Variants in PPTC7 observed in about 807,000 individuals in gnomAD.
PPTC7 encodes protein phosphatase PTC7 homolog.
PPTC7 carries 6 observed loss-of-function variants against 30.8 expected under a neutral mutation model. That is an observed-to-expected ratio of 0.19 (90% CI 0.11 to 0.38). The LOEUF (loss-of-function observed/expected upper bound fraction) is 0.38. Among genes scored for constraint, PPTC7 ranks in the 10% least tolerant of loss-of-function variants. The pLI is 1.00. For synonymous variants in PPTC7, 163 were observed against 168.1 expected (o/e 0.97, Z 0.23); for missense variants, 218 against 404.8 (o/e 0.54, Z 3.96).
chr12:110,560,157 T>A (rs1243346903), intron 1 of PPTC7, among the ~76,000 whole-genome samples: 1 of 152,116 alleles, frequency 6.6e-6, no homozygotes, highest in Non-Finnish European at 1.5e-5. Flanking sequence ...CCCAGCATAT[T>A]GGGAGGCTGA....
chr12:110,540,802 GTCTCGC>G (rs1251577526), intron 3 of PPTC7, among the ~76,000 whole-genome samples: 1 of 150,360 alleles, frequency 6.7e-6, no homozygotes, highest in Non-Finnish European at 1.5e-5. Context: ...TTGAGACAGA[GTCTCGC>G]TCTGTCGCCC....
chr12:110,549,450 T>C (rs1176179749), intron 2 of PPTC7, among the ~76,000 whole-genome samples: 1 of 152,118 alleles, frequency 6.6e-6, no homozygotes, highest in Admixed American at 6.5e-5. Context: ...TGAAGTTCAG[T>C]AAAACTCAGC....
chr12:110,566,493 G>A (rs987674078), intron 1 of PPTC7, among the ~76,000 whole-genome samples: 1 of 152,182 alleles, frequency 6.6e-6, no homozygotes, highest in Non-Finnish European at 1.5e-5. Context: ...ACCTGTGAAT[G>A]GAGTCGTATC....
At chr12:110,578,488 GAA>G (rs2064607832) in intron 1 of PPTC7, among the ~76,000 whole-genome samples, 1 of 152,142 alleles carries the variant, frequency 6.6e-6, no homozygotes, top group Non-Finnish European at 1.5e-5. Flanking sequence ...TTTCCGAAAC[GAA>G]ATACAGTGGG....
intron 1 of PPTC7, among the ~76,000 whole-genome samples, chr12:110,559,662 G>A (rs2064421094): frequency 6.6e-6 from 1 of 150,644 alleles, no homozygotes; most frequent in Non-Finnish European, 1.5e-5. Flanking sequence ...GGAGGTGGAG[G>A]TTGCAATGAG....
intron 1 of PPTC7, among the ~76,000 whole-genome samples, chr12:110,567,063 C>T (rs529246998): frequency 6.6e-6 from 1 of 152,298 alleles, no homozygotes; most frequent in East Asian, 1.9e-4. Context: ...TGGGCCTAAC[C>T]ATTTTCTTCG....
In PPTC7 at chr12:110,546,235, CAAT is replaced by C. The variant is rs1206402777; in HGVS notation, c.404-160_404-158del. 3 of 621,878 alleles carry C rather than the reference CAAT, an allele frequency of 4.8e-6. No individual in the cohort carries two copies. The African/African-American group carries it at 5.5e-5, about 11-fold the overall frequency. The allele number at this position is 621,878 out of a possible 1,614,324, so 38.5% of individuals were successfully genotyped here. On this transcript the variant is annotated intron_variant, in intron 2 of 5. Coordinates refer to ENST00000354300, the MANE Select transcript of PPTC7 (RefSeq NM_139283.2). ...TATGCTCCACATCCTCTACGAATATCAATAAAATCCTGATCAGGGTTAACACGG... is the reference window on the plus strand; with the variant it reads ...TATGCTCCACATCCTCTACGAATATCAAAATCCTGATCAGGGTTAACACGG...
At chr12:110,550,002 G>A (rs1019668453) in intron 2 of PPTC7, among the ~76,000 whole-genome samples, 2 of 152,120 alleles carry the variant, frequency 1.3e-5, no homozygotes, top group Non-Finnish European at 2.9e-5. Flanking sequence ...TGCCAGACAA[G>A]CTCCAGATTG....
chr12:110,576,636 G>C (rs2064591318), intron 1 of PPTC7, among the ~76,000 whole-genome samples: 1 of 152,062 alleles, frequency 6.6e-6, no homozygotes, highest in Non-Finnish European at 1.5e-5. Context: ...CATATTACAC[G>C]ATCCATTTGT....
intron 1 of PPTC7, among the ~76,000 whole-genome samples, chr12:110,553,612 C>G (rs569071585): frequency 2.6e-5 from 4 of 151,916 alleles, no homozygotes; most frequent in African/African-American, 7.2e-5. Flanking sequence ...GTCCCTGACT[C>G]TACTAAAAAT....
At chr12:110,581,370 C>A (rs532343831) in intron 1 of PPTC7, among the ~76,000 whole-genome samples, 1 of 151,806 alleles carries the variant, frequency 6.6e-6, no homozygotes, top group Admixed American at 6.6e-5. Context: ...GCCAAGATTG[C>A]GCCACTGCAC....
chr12:110,580,909 G>A (rs536341891), intron 1 of PPTC7, among the ~76,000 whole-genome samples: 6 of 152,054 alleles, frequency 3.9e-5, no homozygotes, highest in African/African-American at 1.4e-4. Context: ...GCGCCATCAC[G>A]CCCGGCTAAT....
intron 1 of PPTC7, among the ~76,000 whole-genome samples, chr12:110,554,005 C>A (rs1246145141): frequency 6.6e-6 from 1 of 152,032 alleles, no homozygotes; most frequent in Non-Finnish European, 1.5e-5. Flanking sequence ...ACTACAGGTG[C>A]TCGACACCAC....
At chr12:110,548,049 G>A (rs1014825333) in intron 2 of PPTC7, among the ~76,000 whole-genome samples, 1 of 151,686 alleles carries the variant, frequency 6.6e-6, no homozygotes, top group Non-Finnish European at 1.5e-5. Flanking sequence ...AGAGGTTTCA[G>A]TGAGCTGAGA....
intron 1 of PPTC7, among the ~76,000 whole-genome samples, chr12:110,564,817 GTGTATATATACATACA>G (rs2064468134): frequency 8.5e-6 from 1 of 117,206 alleles, no homozygotes; most frequent in African/African-American, 3.6e-5. Flanking sequence ...ATATGTATAT[GTGTATATATACATACA>G]CGTTATATAT....
intron 1 of PPTC7, among the ~76,000 whole-genome samples, chr12:110,565,918 G>A (rs975394436): frequency 6.6e-6 from 1 of 152,182 alleles, no homozygotes; most frequent in Admixed American, 6.5e-5. Flanking sequence ...GATTAATGAA[G>A]AAGTGTCTGA....
At chr12:110,559,107 T>C (rs942020759) in intron 1 of PPTC7, among the ~76,000 whole-genome samples, 2 of 152,166 alleles carry the variant, frequency 1.3e-5, no homozygotes, top group African/African-American at 4.8e-5. Flanking sequence ...CACTGCAACT[T>C]TGAACTCCTG....
intron 1 of PPTC7, among the ~76,000 whole-genome samples, chr12:110,577,548 C>T (rs891097616): frequency 2.6e-5 from 4 of 152,162 alleles, no homozygotes; most frequent in African/African-American, 9.7e-5. Context: ...CATTCACTTC[C>T]TAAATATAAT....
At chr12:110,545,792 G>C (rs1411339957) in intron 3 of PPTC7, 88 bp downstream of exon 3, 71 of 1,151,834 alleles carry the variant, frequency 6.2e-5, no homozygotes, top group Non-Finnish European at 1.2e-5. Context: ...TCATGGAAAT[G>C]CCTACCTCAC....
Sources: gnomAD v4.1 joint callset for allele counts (sites outside exome capture counted in the v4.1 genomes callset) on GRCh38, gnomAD v4.1.1 for gene constraint, MANE v1.5 for transcripts, NCBI Gene and HGNC (gene_info 2026-07-23, HGNC 2026-07-21) for gene names.